BCO1: variants seen among roughly 807,000 people sequenced by gnomAD.
BCO1 encodes beta,beta-carotene 15,15'-dioxygenase.
A neutral mutation model predicts 56.3 loss-of-function variants in BCO1; 54 were observed. The observed-to-expected ratio is 0.96, with a 90% CI of 0.77 to 1.20. The LOEUF (loss-of-function observed/expected upper bound fraction) is 1.20, where lower values mean the gene tolerates loss of function less well. Among genes scored for constraint, BCO1 ranks in the 50% most tolerant of loss-of-function variants. The pLI, the probability that BCO1 is intolerant of heterozygous loss-of-function variation, is 0.00. For synonymous variants in BCO1, 318 were observed against 266.1 expected, an observed-to-expected ratio of 1.20 and a Z score of -1.90; for missense variants, 801 against 690.9, an observed-to-expected ratio of 1.16 and a Z score of -1.79.
intron 4 of BCO1, chr16:81,263,500 G>A (rs561189164): frequency 2.5e-4 from 38 of 152,278 alleles, no homozygotes; most frequent in African/African-American, 8.4e-4. Flanking sequence ...TCCAAGTAAG[G>A]TCACATTCAC....
At chr16:81,274,356 C>T (rs940469925) in intron 7 of BCO1, among the ~76,000 whole-genome samples, 5 of 150,850 alleles carry the variant, frequency 3.3e-5, no homozygotes, top group Admixed American at 1.3e-4. Flanking sequence ...CTCCGCCTCC[C>T]GGGTTCACGC....
intron 7 of BCO1, 114 bp from the exon 8 acceptor site, chr16:81,280,743 G>A: frequency 1.3e-6 from 1 of 772,842 alleles, no homozygotes; most frequent in South Asian, 1.5e-5. Context: ...ATTAATGTGA[G>A]GCTAAGCCAA....
Position 81,238,925 on chromosome 16 carries a change from G to T in BCO1, c.17G>T (p.Gly6Val). ...CCCTGAGCAATGGATATAATATTTG[G>T]CAGGAATAGGAAAGAACAGCTGGAG... Reference protein sequence around the residue: MDIIFGRNRKEQLEPV... With the variant: MDIIFVRNRKEQLEPV... The change falls in exon 1 of 11, where the codon GGC becomes GTC. Residue 6 changes from glycine (G) to valine (V), a missense_variant. Transcript: ENST00000258168. 1 of 1,614,068 alleles carries T rather than the reference G, an allele frequency of 6.2e-7. No homozygotes were observed. The highest frequency in any genetic ancestry group is 8.5e-7 in the Non-Finnish European group (1 of 1,179,984).
chr16:81,285,091 C>T lies in BCO1; in HGVS notation c.1208-449C>T, dbSNP rs547305879. Among the ~76,000 whole-genome samples the T allele has an allele frequency of 2.4e-4, 37 of 152,244 alleles. 1 individual carries two copies. The South Asian group carries it at 4.4e-3, about 18-fold the overall frequency. On this transcript the variant is annotated intron_variant, in intron 8 of 10. Coordinates refer to ENST00000258168, the MANE Select transcript of BCO1 (RefSeq NM_017429.3). ...CCGAACTCAAGTGATCTGCCCGCCT[C>T]GGCCTCCCAAAGTGCTGAGATTACA...
At chr16:81,268,674 T>C (rs1037867386) in intron 6 of BCO1, among the ~76,000 whole-genome samples, 3 of 152,220 alleles carry the variant, frequency 2.0e-5, no homozygotes, top group Admixed American at 2.0e-4. Context: ...CATGTATATG[T>C]GTACATGTAT....
At position 81,270,140 on chromosome 16, in the gene BCO1, G is replaced by T. The variant is rs1298314725; in HGVS notation, c.844-19G>T. 4 of 1,613,864 alleles carry T rather than the reference G, an allele frequency of 2.5e-6. No individual in the cohort carries two copies. The highest frequency in any genetic ancestry group is 3.4e-6 in the Non-Finnish European group (4 of 1,180,018). On this transcript the variant is annotated intron_variant, in intron 6 of 10. Coordinates refer to ENST00000258168, the MANE Select transcript of BCO1 (RefSeq NM_017429.3). ...CTGAGAGAGGGTGAGCTGAGCCCTT[G>T]ATATGTGTCCTTTTTCAGACTTATA... is the stretch of plus-strand genomic sequence containing the variant.
intron 6 of BCO1, 65 bp from the exon 7 acceptor site, chr16:81,270,094 C>T (rs1907089067): frequency 6.2e-7 from 1 of 1,605,866 alleles, no homozygotes; most frequent in Non-Finnish European, 8.5e-7. Flanking sequence ...TTGTTCAGCC[C>T]CCAGATGCCA....
rs188416414 is a variant in BCO1, at chr16:81,277,197, T to C, written c.1102-3660T>C. Among the ~76,000 whole-genome samples the C allele has an allele frequency of 2.0e-4, 31 of 151,884 alleles. No homozygotes were observed. The East Asian group carries it at 5.6e-3, about 27-fold the overall frequency. On this transcript the variant is annotated intron_variant, in intron 7 of 10. Coordinates refer to ENST00000258168, the MANE Select transcript of BCO1 (RefSeq NM_017429.3). ...CTGCGTGTCAAGGCAGGGAGAGAGA[T>C]GGTGTTGGACTTAATTTGCTTGGTG...
chr16:81,257,629 A>C (rs1906223343), intron 2 of BCO1, among the ~76,000 whole-genome samples: 2 of 151,192 alleles, frequency 1.3e-5, no homozygotes, highest in African/African-American at 2.4e-5. Flanking sequence ...TAATCCCAGC[A>C]CTTTGGGAGG....
At chr16:81,286,647 GAGACC>G (rs1455218150) in intron 9 of BCO1, among the ~76,000 whole-genome samples, 2 of 151,992 alleles carry the variant, frequency 1.3e-5, no homozygotes, top group African/African-American at 2.4e-5. Context: ...CCAGGAGTTC[GAGACC>G]AGCTTGGTCA....
intron 7 of BCO1, among the ~76,000 whole-genome samples, 153 bp from the exon 8 acceptor site, chr16:81,280,704 T>C (rs1341090306): frequency 6.6e-6 from 1 of 152,206 alleles, no homozygotes; most frequent in Non-Finnish European, 1.5e-5. Context: ...AGACTAAGGA[T>C]AACAACAGGA....
intron 4 of BCO1, chr16:81,264,175 T>C (rs1385951705): frequency 4.1e-6 from 1 of 244,756 alleles, no homozygotes; most frequent in African/African-American, 2.2e-5. Context: ...GATTTATGCT[T>C]CTGTGCAATG....
At position 81,267,774 on chromosome 16, in the gene BCO1, G is replaced by A. The variant is rs1597363369; in HGVS notation, c.620-134G>A. ...CTGCAGCAGCTGCAGCAACCTTGTT[G>A]TCTGTCTACACGTTGCTGTTTAATG... On this transcript the variant is annotated intron_variant, in intron 5 of 10. Transcript: ENST00000258168. The A allele has an allele frequency of 1.7e-5, 13 of 752,608 alleles. No homozygotes were observed. In the East Asian group the frequency reaches 3.5e-4, roughly 20 times the overall value. The allele number at this position is 752,608 out of a possible 1,614,324, so 46.6% of individuals were successfully genotyped here. A position where few individuals can be genotyped will look rare whatever the true frequency, so the allele number is the denominator to read the frequency against.
At chr16:81,265,649 A>C (rs1597361570) in intron 5 of BCO1, among the ~76,000 whole-genome samples, 1 of 140,278 alleles carries the variant, frequency 7.1e-6, no homozygotes, top group African/African-American at 2.7e-5. Context: ...TCATCCATCC[A>C]CCCACACACC....
intron 6 of BCO1, among the ~76,000 whole-genome samples, chr16:81,269,822 A>G (rs921283228): frequency 2.6e-5 from 4 of 152,184 alleles, no homozygotes; most frequent in Non-Finnish European, 5.9e-5. Context: ...CAACTTGGTC[A>G]TTGCCAGGGA....
Position 81,259,750 on chromosome 16 carries a change from G to C in BCO1, c.268G>C (p.Val90Leu). 2 of 1,614,212 alleles carry C rather than the reference G, an allele frequency of 1.2e-6. No individual in the cohort carries two copies. Among genetic ancestry groups the C allele is most frequent in the Non-Finnish European group, 8.5e-7 (1 of 1,180,034 alleles). ...NTNIEANRIV[V>L]SEFGTMAYPD... is the part of the protein sequence containing the mutation. ...CAATATTGAGGCAAACAGGATTGTG[G>C]TGTCTGAGTTTGGAACAATGGCCTA... Residue 90 changes from valine (V) to leucine (L), a missense_variant, in exon 3 of 11, where the codon GTG (valine) becomes CTG (leucine). Physicochemically the swap from Val to Leu is conservative, Grantham distance 32. Transcript: ENST00000258168.
In BCO1 at chr16:81,267,832, T is replaced by C. The variant is rs1906922241; in HGVS notation, c.620-76T>C. On this transcript the variant is annotated intron_variant, in intron 5 of 10. Coordinates refer to ENST00000258168, the MANE Select transcript of BCO1 (RefSeq NM_017429.3). Reference sequence around the variant, plus strand: ...TTTTTTCAGCAATCAAGTCAGTTTGTAGGTGATGGTGGTGTGGTCTTGGGG... The same window carrying C: ...TTTTTTCAGCAATCAAGTCAGTTTGCAGGTGATGGTGGTGTGGTCTTGGGG... 3.2e-6 allele frequency: 4 copies of C among 1,239,894 alleles called. No individual in the cohort carries two copies. In the South Asian group the frequency reaches 4.9e-5, roughly 15 times the overall value. 76.8% of individuals were successfully genotyped at this position (1,239,894 alleles called of 1,614,324 possible).
intron 2 of BCO1, 76 bp downstream of exon 2, chr16:81,245,679 T>G (rs944104097): frequency 3.6e-5 from 58 of 1,589,542 alleles, no homozygotes; most frequent in Non-Finnish European, 4.8e-5. Flanking sequence ...CAGCACAAAT[T>G]TATTCTTTTA....
intron 1 of BCO1, among the ~76,000 whole-genome samples, chr16:81,243,803 A>G (rs1049004522): frequency 2.0e-5 from 3 of 152,140 alleles, no homozygotes; most frequent in Admixed American, 1.3e-4. Context: ...GTTCCTCCAG[A>G]GGCAAGAATT....
Sources: allele counts gnomAD v4.1 joint callset (sites outside exome capture counted in the v4.1 genomes callset), GRCh38; gene constraint gnomAD v4.1.1; transcripts MANE v1.5; gene names NCBI Gene and HGNC (gene_info 2026-07-23, HGNC 2026-07-21).